The following KLHDC2 variants were observed in gnomAD, a reference collection of about 807,000 sequenced individuals.
KLHDC2 encodes the protein kelch domain-containing protein 2.
KLHDC2 carries 38 observed loss-of-function variants against 62.3 expected under a neutral mutation model. The observed-to-expected ratio is 0.61, with a 90% CI of 0.47 to 0.80. KLHDC2 has a LOEUF of 0.80. Ranked by LOEUF, KLHDC2 falls within the 30% of genes least tolerant of loss-of-function variation. The pLI, the probability that KLHDC2 is intolerant of heterozygous loss-of-function variation, is 0.00. For missense variants in KLHDC2, 430 were observed against 495.3 expected (o/e 0.87, Z 1.25); for synonymous variants, 159 against 161.0 (o/e 0.99, Z 0.09).
chr14:49,780,356 C>T (rs1889865418), intron 9 of KLHDC2, 34 bp downstream of exon 9: 1 of 1,282,804 alleles, frequency 7.8e-7, no homozygotes, highest in Middle Eastern at 1.8e-4. Flanking sequence ...ATGAAATCAT[C>T]ATATATCATC....
chr14:49,784,525 G>C lies in KLHDC2; in HGVS notation c.*1572G>C. ...CTTTTGGTGAATATAGCAAGGCAAT[G>C]TTTAGTTCATTTTTATAATGCGGAA... On this transcript the variant is annotated 3_prime_UTR_variant, in exon 13 of 13. Coordinates refer to ENST00000298307, the MANE Select transcript of KLHDC2 (RefSeq NM_014315.3). 1.4e-6 allele frequency: 1 copy of C among 732,156 alleles called. No homozygotes were observed. 45.4% of individuals were successfully genotyped at this position (732,156 alleles called of 1,614,324 possible). A position where few individuals can be genotyped will look rare whatever the true frequency, so the allele number is the denominator to read the frequency against.
At position 49,772,652 on chromosome 14, in the gene KLHDC2, G is replaced by A. The variant is rs79298509; in HGVS notation, c.233+979G>A. 1.4e-3 allele frequency among the ~76,000 whole-genome samples: 218 copies of A among 152,206 alleles called. 7 individuals carry two copies. The East Asian group carries it at 0.039, about 28-fold the overall frequency. ...ACTTACTGTAGATCTCAGAATTAGCGTAGTAGTCCCACTTAACAGTTAGGC... is the reference window on the plus strand; with the variant it reads ...ACTTACTGTAGATCTCAGAATTAGCATAGTAGTCCCACTTAACAGTTAGGC... On this transcript the variant is annotated intron_variant, in intron 2 of 12. Transcript: ENST00000298307.
chr14:49,780,597 CTCTG>C (rs1889874676), intron 9 of KLHDC2, 102 bp from the exon 10 acceptor site: 1 of 834,592 alleles, frequency 1.2e-6, no homozygotes, highest in East Asian at 2.4e-5. Flanking sequence ...AAAATATACT[CTCTG>C]TATCTGCTCA....
At chr14:49,772,048 A>G (rs747633634) in intron 2 of KLHDC2, among the ~76,000 whole-genome samples, 6 of 152,218 alleles carry the variant, frequency 3.9e-5, no homozygotes, top group Non-Finnish European at 5.9e-5. Context: ...TTTCTAAGCT[A>G]CTTATATATT....
At position 49,784,103 on chromosome 14, in the gene KLHDC2, A is replaced by G. The variant is rs1890045523; in HGVS notation, c.*1150A>G. 1 of 151,540 alleles carries G rather than the reference A, an allele frequency of 6.6e-6. No individual in the cohort carries two copies. The highest frequency in any genetic ancestry group is 1.5e-5 in the Non-Finnish European group (1 of 68,010). 9.4% of individuals were successfully genotyped at this position (151,540 alleles called of 1,614,324 possible). ...AATTTCAAGAAAATGTAGAATAACT[A>G]CAGATGTATATAATTAGCATTTAAC... On this transcript the variant is annotated 3_prime_UTR_variant, in exon 13 of 13. Transcript: ENST00000298307.
At position 49,782,581 on chromosome 14, in the gene KLHDC2, A is replaced by G; in HGVS notation, c.1084A>G (p.Lys362Glu). Residue 362 changes from lysine to glutamate, a missense_variant, in exon 12 of 13, where the codon AAA becomes GAA. Transcript: ENST00000298307. ...AATACTAATATTTTCAGTTCAACCA[A>G]AATCTCTTGTACGGTAAGTAACTTT... The part of the protein sequence containing the change: ...NEILIFSVQP[K>E]SLVRLSLEAV... The G allele has an allele frequency of 6.2e-7, 1 of 1,606,596 alleles. No homozygotes were observed.
intron 12 of KLHDC2, 94 bp from the exon 13 acceptor site, chr14:49,782,736 G>C: frequency 6.8e-7 from 1 of 1,460,446 alleles, no homozygotes; most frequent in South Asian, 1.3e-5. Context: ...AATCTTTGAA[G>C]AAAGAAAGAG....
chr14:49,775,438 C>T (rs1050951561), intron 3 of KLHDC2, among the ~76,000 whole-genome samples: 1 of 152,152 alleles, frequency 6.6e-6, no homozygotes, highest in Non-Finnish European at 1.5e-5. Flanking sequence ...TAGAGAGATA[C>T]ACAGCACCTG....
intron 10 of KLHDC2, chr14:49,782,093 T>C (rs751612705): frequency 2.6e-6 from 1 of 378,112 alleles, no homozygotes; most frequent in Non-Finnish European, 4.7e-6. Context: ...TCCCATACGA[T>C]TTTTATTGCT....
In KLHDC2 at chr14:49,783,031, A is replaced by AATT. The variant is rs1889985449; in HGVS notation, c.*81_*83dup. The stretch of plus-strand genomic sequence containing the variant: ...CATCACAGAGTGGCATCATTTGTAT[A>AATT]ATTATATGCATTGTTGTAGTTTGCA... On this transcript the variant is annotated 3_prime_UTR_variant, in exon 13 of 13. Transcript: ENST00000298307. 1 of 1,451,724 alleles carries AATT rather than the reference A, an allele frequency of 6.9e-7. No individual in the cohort carries two copies. Among genetic ancestry groups the AATT allele is most frequent in the African/African-American group, 1.4e-5 (1 of 70,900 alleles). The allele number at this position is 1,451,724 out of a possible 1,614,324, so 89.9% of individuals were successfully genotyped here. A position where few individuals can be genotyped will look rare whatever the true frequency, so the allele number is the denominator to read the frequency against.
rs200455942 is a variant in KLHDC2 at position 49,778,532 on chromosome 14, T to C, written c.633+38T>C. The C allele has an allele frequency of 5.8e-6, 5 of 866,388 alleles. No individual in the cohort carries two copies. The East Asian group carries it at 7.9e-5, about 14-fold the overall frequency. 53.7% of individuals were successfully genotyped at this position (866,388 alleles called of 1,614,324 possible). On this transcript the variant is annotated intron_variant, in intron 6 of 12. Coordinates refer to ENST00000298307, the MANE Select transcript of KLHDC2 (RefSeq NM_014315.3). ...AGAATAATGAATTGTTAAGGATACT[T>C]AGAGGCAGTGGGGAGGGGTGGGGTA... is the stretch of plus-strand genomic sequence containing the variant.
chr14:49,773,941 T>C (rs1281938219), intron 2 of KLHDC2, among the ~76,000 whole-genome samples: 2 of 152,216 alleles, frequency 1.3e-5, no homozygotes, highest in South Asian at 2.1e-4. Flanking sequence ...ATAAATATTA[T>C]TATATCTGAC....
chr14:49,780,131 T>G (rs1225245109), intron 8 of KLHDC2, 82 bp from the exon 9 acceptor site: 2 of 877,916 alleles, frequency 2.3e-6, no homozygotes, highest in Non-Finnish European at 3.7e-6. Context: ...TCATAACATG[T>G]ACATATAAAT....
In KLHDC2 at chr14:49,785,275, C is replaced by T. The variant is rs377083463; in HGVS notation, c.*2322C>T. The T allele has an allele frequency of 3.1e-6, 5 of 1,613,988 alleles. No homozygotes were observed. The highest frequency in any genetic ancestry group is 1.7e-4 in the Middle Eastern group (1 of 6,058). On this transcript the variant is annotated 3_prime_UTR_variant, in exon 13 of 13. Coordinates refer to ENST00000298307, the MANE Select transcript of KLHDC2 (RefSeq NM_014315.3). ...CATATTGGAATGGCAAACAGTAGTA[C>T]ATCTTCAGGATGTGGCTGGCCTGTC...
At position 49,780,314 on chromosome 14, in the gene KLHDC2, A is replaced by C; in HGVS notation, c.875A>C (p.Gln292Pro). 3 of 1,581,678 alleles carry C rather than the reference A, an allele frequency of 1.9e-6. No homozygotes were observed. The highest frequency in any genetic ancestry group is 2.6e-6 in the Non-Finnish European group (3 of 1,150,420). Reference sequence around the variant, plus strand: ...TTTGGAGGATTTACCACTGATAAACAGCCACTAAGTAAGTCCTTGAAAAAT... The same window carrying C: ...TTTGGAGGATTTACCACTGATAAACCGCCACTAAGTAAGTCCTTGAAAAAT... ...FLFGGFTTDKQPLSDAWTYCI... is the reference protein window; with the variant it reads ...FLFGGFTTDKPPLSDAWTYCI... Residue 292 changes from glutamine to proline, a missense_variant, in exon 9 of 13, where the codon CAG becomes CCG. Gln to Pro is a moderately conservative substitution (Grantham distance 76). Coordinates refer to ENST00000298307, the MANE Select transcript of KLHDC2 (RefSeq NM_014315.3).
At chr14:49,776,695 C>T (rs1303898988) in intron 3 of KLHDC2, among the ~76,000 whole-genome samples, 2 of 151,938 alleles carry the variant, frequency 1.3e-5, no homozygotes, top group East Asian at 3.9e-4. Context: ...CAAGTGGGCA[C>T]ATCACTTGAG....
chr14:49,771,739 A>G (rs1889669083), intron 2 of KLHDC2, 66 bp downstream of exon 2: 2 of 823,724 alleles, frequency 2.4e-6, no homozygotes, highest in Non-Finnish European at 4.2e-6. Flanking sequence ...TGGCTGGCTC[A>G]TGCCTATAAT....
chr14:49,771,545 G>A, intron 1 of KLHDC2, 49 bp from the exon 2 acceptor site: 1 of 805,496 alleles, frequency 1.2e-6, no homozygotes, highest in Non-Finnish European at 2.2e-6. Flanking sequence ...ATACAGTAGT[G>A]CCTCTTTAAA....
chr14:49,774,568 A>G lies in KLHDC2; in HGVS notation c.241A>G (p.Ile81Val), dbSNP rs149327481. 13 of 1,609,470 alleles carry G rather than the reference A, an allele frequency of 8.1e-6. No individual in the cohort carries two copies. The highest frequency in any genetic ancestry group is 1.1e-5 in the Non-Finnish European group (13 of 1,175,882). The part of the protein sequence containing the change: ...YNMETGRWKK[I>V]NTEGDVPPSM... Reference sequence around the variant, plus strand: ...TAATTTATTCCCCCTCAGGAAAAAAATCAACACTGAAGGTGATGTTCCTCC... The same window carrying G: ...TAATTTATTCCCCCTCAGGAAAAAAGTCAACACTGAAGGTGATGTTCCTCC... The change falls in exon 3 of 13, where the codon ATC becomes GTC. Residue 81 changes from isoleucine (I) to valine (V), a missense_variant. Physicochemically the swap from Ile to Val is conservative, Grantham distance 29 (BLOSUM62 3). Transcript: ENST00000298307.
Sources: allele counts gnomAD v4.1 joint callset (sites outside exome capture counted in the v4.1 genomes callset), GRCh38; gene constraint gnomAD v4.1.1; transcripts MANE v1.5; gene names NCBI Gene and HGNC (gene_info 2026-07-23, HGNC 2026-07-21).